Variants in ENTREP2 observed in about 807,000 individuals in gnomAD.
The protein encoded by ENTREP2 is protein ENTREP2.
chr15:29,166,579 A>C, the ENTREP2 span, among the ~76,000 whole-genome samples: 1 of 152,142 alleles, frequency 6.6e-6, no homozygotes, highest in South Asian at 2.1e-4. Flanking sequence ...CAATAGCTGC[A>C]AAAAAATAAA....
the ENTREP2 span, among the ~76,000 whole-genome samples, chr15:29,442,642 T>C: frequency 6.6e-6 from 1 of 152,036 alleles, no homozygotes; most frequent in African/African-American, 2.4e-5. Flanking sequence ...TCTCATTCCC[T>C]CGAGAGCCCA....
chr15:29,489,483 C>T, the ENTREP2 span, among the ~76,000 whole-genome samples: 1 of 130,626 alleles, frequency 7.7e-6, no homozygotes, highest in African/African-American at 3.3e-5. Flanking sequence ...TGTGTAAAGG[C>T]CACCTGAACT....
At chr15:29,551,887 A>T in the ENTREP2 span, among the ~76,000 whole-genome samples, 2 of 152,194 alleles carry the variant, frequency 1.3e-5, no homozygotes, top group Non-Finnish European at 2.9e-5. Context: ...GAAGGGAAAG[A>T]GCTGAAGGCA....
chr15:29,268,678 T>C, the ENTREP2 span: 2 of 1,035,858 alleles, frequency 1.9e-6, no homozygotes, highest in East Asian at 2.5e-5. Flanking sequence ...GCTACACACA[T>C]TGAAGCGTTT....
chr15:29,273,262 G>C, the ENTREP2 span, among the ~76,000 whole-genome samples: 4 of 146,596 alleles, frequency 2.7e-5, no homozygotes, highest in African/African-American at 7.8e-5. Flanking sequence ...GCAGTGTCAC[G>C]ATCTTGGCTC....
chr15:29,660,718 A>C, the ENTREP2 span, among the ~76,000 whole-genome samples: 1 of 152,200 alleles, frequency 6.6e-6, no homozygotes, highest in Non-Finnish European at 1.5e-5. Context: ...TTAAAGTAGC[A>C]CTTTATTGTT....
the ENTREP2 span, among the ~76,000 whole-genome samples, chr15:29,325,879 A>C: frequency 6.6e-6 from 1 of 152,184 alleles, no homozygotes; most frequent in South Asian, 2.1e-4. Flanking sequence ...GTATGAAAAG[A>C]ATTATATACT....
chr15:29,196,355 T>C, the ENTREP2 span: 22 of 1,498,440 alleles, frequency 1.5e-5, no homozygotes, highest in Non-Finnish European at 1.8e-5. Context: ...GGAATCTATA[T>C]GTTAATAAGG....
chr15:29,598,688 TTTC>T, the ENTREP2 span, among the ~76,000 whole-genome samples: 1 of 117,046 alleles, frequency 8.5e-6, no homozygotes, highest in Non-Finnish European at 2.1e-5. Context: ...AAATCTTTTT[TTTC>T]TTTCTTTCTT....
chr15:29,434,421 A>G, the ENTREP2 span, among the ~76,000 whole-genome samples: 1 of 152,186 alleles, frequency 6.6e-6, no homozygotes, highest in Non-Finnish European at 1.5e-5. Context: ...TTGGGTGATT[A>G]AAACCACATC....
the ENTREP2 span, among the ~76,000 whole-genome samples, chr15:29,490,661 C>T: frequency 6.6e-6 from 1 of 152,170 alleles, no homozygotes; most frequent in Non-Finnish European, 1.5e-5. Context: ...CTCCAAGTCC[C>T]CACTAGATTA....
At chr15:29,657,180 T>C in the ENTREP2 span, among the ~76,000 whole-genome samples, 1 of 151,794 alleles carries the variant, frequency 6.6e-6, no homozygotes, top group South Asian at 2.1e-4. Context: ...CCTGAGCAGC[T>C]GGGACTACAC....
At chr15:29,621,770 T>C in the ENTREP2 span, among the ~76,000 whole-genome samples, 3 of 152,032 alleles carry the variant, frequency 2.0e-5, no homozygotes, top group South Asian at 2.1e-4. Context: ...CTGTTGAGTA[T>C]ACATGCCAAA....
the ENTREP2 span, among the ~76,000 whole-genome samples, chr15:29,294,627 AT>A: frequency 6.6e-6 from 1 of 152,224 alleles, no homozygotes; most frequent in African/African-American, 2.4e-5. Context: ...CCAAACAGCC[AT>A]ATATAAACAA....
the ENTREP2 span, among the ~76,000 whole-genome samples, chr15:29,552,891 C>T: frequency 6.6e-6 from 1 of 152,200 alleles, no homozygotes; most frequent in Admixed American, 6.5e-5. Flanking sequence ...AAGAACGGCA[C>T]ATCTGAACTA....
chr15:29,495,776 T>C, the ENTREP2 span, among the ~76,000 whole-genome samples: 2 of 152,132 alleles, frequency 1.3e-5, no homozygotes, highest in African/African-American at 4.8e-5. Flanking sequence ...ATGTGTCTGT[T>C]TTTATGCCAG....
the ENTREP2 span, among the ~76,000 whole-genome samples, chr15:29,536,596 T>G: frequency 6.9e-6 from 1 of 145,602 alleles, no homozygotes; most frequent in Non-Finnish European, 1.5e-5. Flanking sequence ...AGAGCCTGAC[T>G]CTGTCTCAAA....
At chr15:29,632,409 C>T in the ENTREP2 span, among the ~76,000 whole-genome samples, 3 of 152,160 alleles carry the variant, frequency 2.0e-5, no homozygotes, top group African/African-American at 4.8e-5. Flanking sequence ...TTTTTTTCCT[C>T]AGAATGTTGG....
the ENTREP2 span, among the ~76,000 whole-genome samples, chr15:29,646,842 CTCTG>C: frequency 6.6e-6 from 1 of 152,168 alleles, no homozygotes; most frequent in East Asian, 1.9e-4. Context: ...ACAAGGGCCA[CTCTG>C]TCTATCCTGA....
Sources: allele counts gnomAD v4.1 joint callset (sites outside exome capture counted in the v4.1 genomes callset), GRCh38; gene constraint gnomAD v4.1.1; transcripts MANE v1.5; gene names NCBI Gene and HGNC (gene_info 2026-07-23, HGNC 2026-07-21).